LHPP: variants seen among roughly 807,000 people sequenced by gnomAD.
The protein encoded by LHPP is phospholysine phosphohistidine inorganic pyrophosphate phosphatase.
Under a neutral mutation model 30.3 loss-of-function variants are expected in LHPP, and 24 were observed. That is an observed-to-expected ratio of 0.79 (90% CI 0.57 to 1.11). LHPP has a LOEUF of 1.11. Among genes scored for constraint, LHPP ranks in the 50% most tolerant of loss-of-function variants. LHPP has a pLI of 0.00. For missense variants in LHPP, 356 were observed against 367.2 expected (o/e 0.97, Z 0.25); for synonymous variants, 150 against 157.1 (o/e 0.95, Z 0.34).
chr10:124,537,615 G>A (rs117041103), intron 6 of LHPP, among the ~76,000 whole-genome samples: 5,209 of 152,340 alleles, frequency 0.034, 121 homozygotes, highest in Non-Finnish European at 0.054. Flanking sequence ...GTGAGAGATG[G>A]CAGCCAGGCA....
chr10:124,490,665 G>C (rs1213681804), intron 3 of LHPP: 1 of 176,472 alleles, frequency 5.7e-6, no homozygotes, highest in Non-Finnish European at 1.2e-5. Context: ...GATTGTTCCT[G>C]GTTTTTCACC....
intron 6 of LHPP, among the ~76,000 whole-genome samples, chr10:124,540,678 G>A (rs1955160809): frequency 2.0e-5 from 3 of 152,190 alleles, no homozygotes; most frequent in Admixed American, 6.5e-5. Flanking sequence ...GTGCTCCATG[G>A]TTTGACTCAC....
chr10:124,605,557 A>G (rs778890215), intron 6 of LHPP: 3 of 152,346 alleles, frequency 2.0e-5, no homozygotes, highest in Non-Finnish European at 2.9e-5. Context: ...TTGCAGGTGG[A>G]GCAGGTTTCA....
chr10:124,533,022 T>C (rs1479677462), intron 6 of LHPP, among the ~76,000 whole-genome samples: 1 of 152,136 alleles, frequency 6.6e-6, no homozygotes, highest in African/African-American at 2.4e-5. Flanking sequence ...AATGGACTTA[T>C]TTTGGACTTA....
rs776037845 is a variant in LHPP, at chr10:124,497,018, G to T, written c.525G>T (p.Ala175=). ...TGGACGTTGGTCCCTACATGAAGGC[G>T]CTTGAGGTACCAGCCCTGGTTCTGT... is the stretch of plus-strand genomic sequence containing the variant. The part of the protein sequence containing the change: ...LMLDVGPYMK[A]LEYACGIKAE... Residue 175 remains alanine, a synonymous_variant, in exon 4 of 7, where the codon GCG becomes GCT. Transcript: ENST00000368842. 5.6e-6 allele frequency: 9 copies of T among 1,613,706 alleles called. No individual in the cohort carries two copies. The highest frequency in any genetic ancestry group is 1.7e-4 in the Middle Eastern group (1 of 6,060).
intron 6 of LHPP, among the ~76,000 whole-genome samples, chr10:124,585,615 TA>T (rs75542990): frequency 0.2 from 26,662 of 136,340 alleles, 3,399 homozygotes; most frequent in African/African-American, 0.39. Context: ...ACTCTATCTC[TA>T]AAAAAAAAAA....
In LHPP at chr10:124,484,183, C is replaced by T. The variant is rs763132114; in HGVS notation, c.170C>T (p.Ser57Leu). The T allele has an allele frequency of 2.7e-5, 44 of 1,613,954 alleles. No individual in the cohort carries two copies. The highest frequency in any genetic ancestry group is 2.5e-4 in the Admixed American group (15 of 59,972). ...AAGGTGAGGTTCTGCACCAACGAGT[C>T]GCAGAAGTCCCGGGCAGAGCTGGTG... ...RLKVRFCTNE[S>L]QKSRAELVGQ... The change falls in exon 2 of 7, where the codon TCG becomes TTG. Residue 57 changes from serine (S) to leucine (L), a missense_variant. By Grantham distance (145) the Ser-to-Leu change is moderately radical. Coordinates refer to ENST00000368842, the MANE Select transcript of LHPP (RefSeq NM_022126.4).
Position 124,592,085 on chromosome 10 carries a change from G to A in LHPP, c.717-21179G>A, listed in dbSNP as rs753909287. On this transcript the variant is annotated intron_variant, in intron 6 of 6. Transcript: ENST00000368842. This position sits in a 1 kb window ranked among gnomAD's most constrained non-coding sequence, Gnocchi z 6.2. ...AGTTAGGAAATCAAATATTGGGGTTGGGGAACAATAAGAGAAGGCAAGCCC... is the reference window on the plus strand; with the variant it reads ...AGTTAGGAAATCAAATATTGGGGTTAGGGAACAATAAGAGAAGGCAAGCCC... 5.3e-5 allele frequency among the ~76,000 whole-genome samples: 8 copies of A among 152,292 alleles called. No individual in the cohort carries two copies. The East Asian group carries it at 1.5e-3, about 29-fold the overall frequency.
chr10:124,565,633 C>T (rs1316936772), intron 6 of LHPP, among the ~76,000 whole-genome samples: 2 of 152,228 alleles, frequency 1.3e-5, no homozygotes, highest in African/African-American at 4.8e-5. Context: ...AGGAATGCTA[C>T]CCCACGCCGT....
chr10:124,580,537 T>C lies in LHPP; in HGVS notation c.717-32727T>C, dbSNP rs191082316. On this transcript the variant is annotated intron_variant, in intron 6 of 6. Coordinates refer to ENST00000368842, the MANE Select transcript of LHPP (RefSeq NM_022126.4). ...GTCCACCTTTTCTCTCACTGACTTA[T>C]AATGCCACCTCTGTCATGTCAGCTT... 6.6e-5 allele frequency among the ~76,000 whole-genome samples: 10 copies of C among 152,342 alleles called. No individual in the cohort carries two copies. In the East Asian group the frequency reaches 1.9e-3, roughly 29 times the overall value.
chr10:124,525,924 G>A (rs1954719967), intron 6 of LHPP, among the ~76,000 whole-genome samples: 1 of 152,166 alleles, frequency 6.6e-6, no homozygotes, highest in South Asian at 2.1e-4. Flanking sequence ...AGGGCTGGGG[G>A]GCTCTGAGCT....
chr10:124,472,533 A>G (rs1192426194), intron 1 of LHPP, among the ~76,000 whole-genome samples: 1 of 151,838 alleles, frequency 6.6e-6, no homozygotes, highest in Non-Finnish European at 1.5e-5. Flanking sequence ...CAAGTGAAAA[A>G]GCTGTAGAAT....
intron 1 of LHPP, among the ~76,000 whole-genome samples, chr10:124,483,059 C>G (rs1953193097): frequency 6.6e-6 from 1 of 151,898 alleles, no homozygotes; most frequent in South Asian, 2.1e-4. Context: ...GAGAACTTGC[C>G]CAGGTGCAGC....
intron 6 of LHPP, among the ~76,000 whole-genome samples, chr10:124,569,967 C>G (rs897279): frequency 0.19 from 28,176 of 152,100 alleles, 2,953 homozygotes; most frequent in East Asian, 0.34. Flanking sequence ...TCAGACCCCC[C>G]GACCCCAGGT....
chr10:124,516,218 C>T (rs982744078), intron 5 of LHPP, among the ~76,000 whole-genome samples: 1 of 152,214 alleles, frequency 6.6e-6, no homozygotes, highest in Non-Finnish European at 1.5e-5. Context: ...GGCTCTCTTC[C>T]CAGCTTGTAG....
At chr10:124,475,836 C>G (rs1042589729) in intron 1 of LHPP, among the ~76,000 whole-genome samples, 14 of 152,210 alleles carry the variant, frequency 9.2e-5, no homozygotes, top group African/African-American at 3.4e-4. Context: ...ACCCCTCACC[C>G]CCACATGCCA....
chr10:124,486,927 G>C (rs746757589), intron 2 of LHPP, among the ~76,000 whole-genome samples: 5 of 152,238 alleles, frequency 3.3e-5, no homozygotes, highest in Admixed American at 6.5e-5. Flanking sequence ...CTGAAGACAG[G>C]CCTTTTTTGG....
chr10:124,503,531 G>C (rs946196345), intron 5 of LHPP, among the ~76,000 whole-genome samples: 1 of 151,906 alleles, frequency 6.6e-6, no homozygotes, highest in Non-Finnish European at 1.5e-5. Flanking sequence ...CCAAGTGGAC[G>C]CTCTTTGAAT....
At position 124,549,712 on chromosome 10, in the gene LHPP, A is replaced by G. The variant is rs188448518; in HGVS notation, c.716+32441A>G. Among the ~76,000 whole-genome samples the G allele has an allele frequency of 1.3e-3, 193 of 152,362 alleles. 1 individual carries two copies. Among genetic ancestry groups the G allele is most frequent in the African/African-American group, 3.8e-3 (160 of 41,586 alleles). ...CCTTACATCTGGGGAAGGGGCTGCCAGGCTGGGCCTGCCTCTGGCCCTGTG... is the reference window on the plus strand; with the variant it reads ...CCTTACATCTGGGGAAGGGGCTGCCGGGCTGGGCCTGCCTCTGGCCCTGTG... On this transcript the variant is annotated intron_variant, in intron 6 of 6. Coordinates refer to ENST00000368842, the MANE Select transcript of LHPP (RefSeq NM_022126.4).
Sources: allele counts gnomAD v4.1 joint callset (sites outside exome capture counted in the v4.1 genomes callset), GRCh38; gene constraint gnomAD v4.1.1; non-coding constraint Gnocchi (gnomAD v3.1); transcripts MANE v1.5; gene names NCBI Gene and HGNC (gene_info 2026-07-23, HGNC 2026-07-21).